Variants in NOL4 observed in about 807,000 individuals in gnomAD.
NOL4 encodes nucleolar protein 4.
NOL4 carries 17 observed loss-of-function variants against 75.9 expected under a neutral mutation model. The observed-to-expected ratio is 0.22, with a 90% CI of 0.15 to 0.34. The LOEUF is 0.34. NOL4 is among the 10% of genes least tolerant of loss of function. The pLI is 1.00. For missense variants in NOL4, 614 were observed against 793.5 expected, an observed-to-expected ratio of 0.77 and a Z score of 2.72; for synonymous variants, 292 against 289.9, an observed-to-expected ratio of 1.01 and a Z score of -0.07.
intron 9 of NOL4, among the ~76,000 whole-genome samples, chr18:33,936,408 T>A (rs755490555): frequency 2.6e-4 from 5 of 19,134 alleles, no homozygotes; most frequent in Admixed American, 8.6e-4. Flanking sequence ...TAGCAGTGAG[T>A]TTTTTTTTTT....
intron 10 of NOL4, among the ~76,000 whole-genome samples, chr18:33,879,219 C>A (rs922757550): frequency 2.6e-5 from 4 of 152,030 alleles, no homozygotes; most frequent in Admixed American, 2.0e-4. Flanking sequence ...CGCTTTTATT[C>A]CTGCCCCTTA....
intron 5 of NOL4, among the ~76,000 whole-genome samples, chr18:34,085,245 T>C (rs926966991): frequency 1.3e-5 from 2 of 152,210 alleles, no homozygotes; most frequent in African/African-American, 4.8e-5. Flanking sequence ...GAAATCCATA[T>C]TTAAGGATTA....
At chr18:33,955,269 A>C (rs2069559407) in intron 8 of NOL4, among the ~76,000 whole-genome samples, 1 of 152,116 alleles carries the variant, frequency 6.6e-6, no homozygotes, top group Admixed American at 6.6e-5. Flanking sequence ...AAAAGTTAAT[A>C]GCAAGTGTCA....
intron 5 of NOL4, among the ~76,000 whole-genome samples, chr18:34,087,055 C>T (rs4552083): frequency 0.33 from 50,206 of 151,908 alleles, 8,667 homozygotes; most frequent in East Asian, 0.51. Flanking sequence ...AGACCTATTG[C>T]CATTTTGGCA....
At chr18:34,156,949 G>C (rs1215341099) in intron 1 of NOL4, 2 of 152,020 alleles carry the variant, frequency 1.3e-5, no homozygotes, top group African/African-American at 4.8e-5. Context: ...TTCTCATCAC[G>C]TATATTGGCT....
intron 9 of NOL4, among the ~76,000 whole-genome samples, chr18:33,930,013 T>C (rs1162707511): frequency 6.6e-6 from 1 of 152,116 alleles, no homozygotes; most frequent in Non-Finnish European, 1.5e-5. Context: ...TTTGCTTACA[T>C]GTACCAACAG....
At position 34,068,904 on chromosome 18, in the gene NOL4, A is replaced by G. The variant is rs77141172; in HGVS notation, c.772+24561T>C. ...AATATTATTAAAACTATGGTGAAAG[A>G]AAAGGGATTTATTATCTGGGAAATA... is the stretch of plus-strand genomic sequence containing the variant. On this transcript the variant is annotated intron_variant, in intron 5 of 10. Coordinates refer to ENST00000261592, the MANE Select transcript of NOL4 (RefSeq NM_003787.5). Among the ~76,000 whole-genome samples the G allele has an allele frequency of 7.9e-3, 1,201 of 152,284 alleles. 19 individuals carry two copies. Among genetic ancestry groups the G allele is most frequent in the African/African-American group, 0.028 (1,161 of 41,550 alleles).
At chr18:34,053,310 G>A (rs905111477) in intron 5 of NOL4, among the ~76,000 whole-genome samples, 9 of 149,742 alleles carry the variant, frequency 6.0e-5, no homozygotes, top group Non-Finnish European at 5.9e-5. Flanking sequence ...GAAAACTGTT[G>A]AAAAAAAAAT....
chr18:34,118,641 G>A (rs1329372917), intron 2 of NOL4, among the ~76,000 whole-genome samples: 3 of 152,066 alleles, frequency 2.0e-5, no homozygotes, highest in Non-Finnish European at 4.4e-5. Flanking sequence ...TTGCATTTAG[G>A]ACTTTACAAG....
intron 6 of NOL4, among the ~76,000 whole-genome samples, chr18:33,974,983 G>C (rs1185347298): frequency 2.0e-5 from 3 of 152,182 alleles, no homozygotes; most frequent in Non-Finnish European, 4.4e-5. Flanking sequence ...ATACTATGCA[G>C]CCTTAAAAAG....
chr18:34,045,783 T>G (rs1329840880), intron 5 of NOL4, among the ~76,000 whole-genome samples: 2 of 152,174 alleles, frequency 1.3e-5, no homozygotes, highest in Admixed American at 1.3e-4. Flanking sequence ...AGCTTAACAA[T>G]GTATCATAGT....
At chr18:34,085,990 T>C (rs2078222567) in intron 5 of NOL4, among the ~76,000 whole-genome samples, 2 of 152,130 alleles carry the variant, frequency 1.3e-5, no homozygotes, top group African/African-American at 4.8e-5. Flanking sequence ...ATATTACTTA[T>C]AAAGGTAGTT....
chr18:33,922,551 ATTACAGAGACC>A (rs1270723579), intron 9 of NOL4, among the ~76,000 whole-genome samples: 1 of 152,188 alleles, frequency 6.6e-6, no homozygotes, highest in Non-Finnish European at 1.5e-5. Context: ...TGCAGGCTGT[ATTACAGAGACC>A]TTTAGTCAGT....
chr18:34,188,847 A>G (rs2034695408), intron 1 of NOL4, among the ~76,000 whole-genome samples: 1 of 152,202 alleles, frequency 6.6e-6, no homozygotes, highest in South Asian at 2.1e-4. Context: ...CCAAATGAAT[A>G]TTCTCACCTA....
At chr18:34,055,559 T>C (rs1381980023) in intron 5 of NOL4, among the ~76,000 whole-genome samples, 1 of 152,166 alleles carries the variant, frequency 6.6e-6, no homozygotes, top group Non-Finnish European at 1.5e-5. Context: ...AACAGTTTGA[T>C]TGTAATGGGT....
At chr18:34,132,420 TTTC>T (rs1264260185) in intron 1 of NOL4, among the ~76,000 whole-genome samples, 2 of 152,228 alleles carry the variant, frequency 1.3e-5, no homozygotes, top group African/African-American at 4.8e-5. Context: ...TTCACAAGCA[TTTC>T]TTAACAGTCA....
chr18:33,981,098 A>C (rs1453580437), intron 6 of NOL4, among the ~76,000 whole-genome samples: 1 of 152,066 alleles, frequency 6.6e-6, no homozygotes, highest in African/African-American at 2.4e-5. Flanking sequence ...TAGACTGGAC[A>C]TGGCTGTGGA....
At position 34,084,743 on chromosome 18, in the gene NOL4, A is replaced by G. The variant is rs372904777; in HGVS notation, c.772+8722T>C. Among the ~76,000 whole-genome samples the G allele has an allele frequency of 3.4e-4, 52 of 152,242 alleles. 1 individual carries two copies. The South Asian group carries it at 9.9e-3, about 29-fold the overall frequency. ...AATACTTTCCAACTGTTCTTTCTTT[A>G]TATCACCCACAATCTAACTAGGATC... is the stretch of plus-strand genomic sequence containing the variant. On this transcript the variant is annotated intron_variant, in intron 5 of 10. Transcript: ENST00000261592.
intron 6 of NOL4, among the ~76,000 whole-genome samples, chr18:34,018,996 G>A (rs1356774660): frequency 6.6e-6 from 1 of 152,020 alleles, no homozygotes; most frequent in African/African-American, 2.4e-5. Flanking sequence ...TGTGTACCGA[G>A]ACTGAAACTG....
Sources: allele counts gnomAD v4.1 joint callset (sites outside exome capture counted in the v4.1 genomes callset), GRCh38; gene constraint gnomAD v4.1.1; transcripts MANE v1.5; gene names NCBI Gene and HGNC (gene_info 2026-07-23, HGNC 2026-07-21).